GLOD4: variants seen among roughly 807,000 people sequenced by gnomAD.
The protein encoded by GLOD4 is glyoxalase domain-containing protein 4.
In GLOD4, 44 loss-of-function variants were observed where a neutral mutation model predicts 39.1. The ratio of observed to expected loss-of-function variants is 1.13; its 90% CI spans 0.88 to 1.45. The LOEUF (loss-of-function observed/expected upper bound fraction) is 1.45. Ranked by LOEUF, GLOD4 falls within the 40% of genes most tolerant of loss-of-function variation. GLOD4 has a pLI of 0.00. For synonymous variants in GLOD4, 145 were observed against 135.0 expected, an observed-to-expected ratio of 1.07 and a Z score of -0.52; for missense variants, 405 against 366.4, an observed-to-expected ratio of 1.11 and a Z score of -0.86.
intron 1 of GLOD4, among the ~76,000 whole-genome samples, chr17:779,198 C>G (rs1204876015): frequency 9.2e-5 from 14 of 151,574 alleles, no homozygotes; most frequent in Admixed American, 9.2e-4. Context: ...GCTTGTGATC[C>G]CAGCTACTCA....
At chr17:782,298 G>C (rs772998535), upstream of GLOD4, 5 of 1,611,570 alleles carry the variant, frequency 3.1e-6, no homozygotes, top group Non-Finnish European at 4.2e-6. Flanking sequence ...GTACAGCCCA[G>C]TCCACGAAGG....
Position 782,161 on chromosome 17 carries a change from T to C in GLOD4, c.90+5A>G, listed in dbSNP as rs920432824. 4.4e-6 allele frequency: 7 copies of C among 1,594,528 alleles called. No homozygotes were observed. Among genetic ancestry groups the C allele is most frequent in the Non-Finnish European group, 6.0e-6 (7 of 1,166,980 alleles). On this transcript the variant is annotated splice_donor_5th_base_variant and intron_variant, in intron 1 of 8. Coordinates refer to ENST00000301329, the MANE Select transcript of GLOD4 (RefSeq NM_016080.4). The stretch of plus-strand genomic sequence containing the variant: ...GCGCCAGCCCCTGTCGGCCCCGGCC[T>C]GCACCTTCATCCCCAGGACGTCCCG...
chr17:770,144 T>C lies in GLOD4; in HGVS notation c.644A>G (p.Glu215Gly). The C allele has an allele frequency of 6.2e-7, 1 of 1,606,504 alleles. No homozygotes were observed. The highest frequency in any genetic ancestry group is 2.2e-5 in the East Asian group (1 of 44,854). Residue 215 changes from glutamate (E) to glycine (G), a missense_variant, in exon 7 of 9, where the codon GAA becomes GGA. Coordinates refer to ENST00000301329, the MANE Select transcript of GLOD4 (RefSeq NM_016080.4). ...CTGGTTCTCCCTTTTCATCAAGTCTTCTAAGTCTGGCAACTTGAGGAAAAC... is the reference window on the plus strand; with the variant it reads ...CTGGTTCTCCCTTTTCATCAAGTCTCCTAAGTCTGGCAACTTGAGGAAAAC... ...SCPQKELPDLEDLMKRENQKI... is the reference protein window; with the variant it reads ...SCPQKELPDLGDLMKRENQKI...
At chr17:777,722 T>C (rs1464971429) in intron 2 of GLOD4, 4 of 152,308 alleles carry the variant, frequency 2.6e-5, no homozygotes, top group African/African-American at 9.6e-5. Flanking sequence ...ATGAAACATA[T>C]CTGGTCATTG....
intron 3 of GLOD4, among the ~76,000 whole-genome samples, 161 bp downstream of exon 3, chr17:776,707 C>T (rs972455416): frequency 1.1e-4 from 17 of 152,170 alleles, no homozygotes; most frequent in Non-Finnish European, 2.1e-4. Flanking sequence ...CTGCCTGGAA[C>T]GCGCATCCCC....
intron 1 of GLOD4, among the ~76,000 whole-genome samples, chr17:781,082 G>C (rs1909866979): frequency 6.6e-6 from 1 of 151,838 alleles, no homozygotes. Flanking sequence ...CACCATGCCC[G>C]GCTAATTTTT....
chr17:775,786 A>G lies in GLOD4; in HGVS notation c.395T>C (p.Leu132Pro), dbSNP rs560934260. 1.1e-5 allele frequency: 18 copies of G among 1,613,972 alleles called. No individual in the cohort carries two copies. In the South Asian group the frequency reaches 1.6e-4, roughly 15 times the overall value. ...TCTGGTATAATTACCTGACTGAGGC[A>G]GACTGCGATTCTGCAAATAGAACTT... Reference protein sequence around the residue: ...GYKFYLQNRSLPQSDPVLKVT... With the variant: ...GYKFYLQNRSPPQSDPVLKVT... The change falls in exon 4 of 9, where the codon CTG becomes CCG. Residue 132 changes from leucine to proline, a missense_variant. Transcript: ENST00000301329.
intron 1 of GLOD4, among the ~76,000 whole-genome samples, chr17:779,533 G>A (rs1909518064): frequency 6.6e-6 from 1 of 151,742 alleles, no homozygotes; most frequent in South Asian, 2.1e-4. Context: ...AGCTACTCAG[G>A]AGGCTGAGGT....
chr17:775,845 T>C lies in GLOD4; in HGVS notation c.336A>G (p.Glu112=). The C allele has an allele frequency of 1.2e-6, 2 of 1,613,762 alleles. No homozygotes were observed. Among genetic ancestry groups the C allele is most frequent in the Non-Finnish European group, 1.7e-6 (2 of 1,179,614 alleles). ...KLEWPLTEVA[E]GVFETEAPGG... is the part of the protein sequence containing the mutation. ...CCGGGGCCTCGGTTTCAAAAACACC[T>C]TCTGCAACTTCCGTCAGTGGCCACT... Residue 112 remains glutamate (E), a synonymous_variant, in exon 4 of 9, where the codon GAA becomes GAG. Transcript: ENST00000301329.
rs138285108 is a variant in GLOD4, at chr17:778,486, A to C, written c.140+209T>G. 600 of 599,384 alleles carry C rather than the reference A, an allele frequency of 1.0e-3. 3 individuals are homozygous for C. In the African/African-American group the frequency reaches 0.01, roughly 10 times the overall value. The allele number at this position is 599,384 out of a possible 1,614,324, so 37.1% of individuals were successfully genotyped here. A position where few individuals can be genotyped will look rare whatever the true frequency, so the allele number is the denominator to read the frequency against. Reference sequence around the variant, plus strand: ...CCGACGCTCCTGAAGTTGCCTCCCTAATTTACTGCCTTCTTAATTAATTCC... The same window carrying C: ...CCGACGCTCCTGAAGTTGCCTCCCTCATTTACTGCCTTCTTAATTAATTCC... On this transcript the variant is annotated intron_variant, in intron 2 of 8. Coordinates refer to ENST00000301329, the MANE Select transcript of GLOD4 (RefSeq NM_016080.4).
chr17:763,305 C>G (rs1013439376), intron 8 of GLOD4, among the ~76,000 whole-genome samples: 2 of 151,864 alleles, frequency 1.3e-5, no homozygotes, highest in Admixed American at 6.6e-5. Flanking sequence ...GTCAAGAGTT[C>G]GAGACCAGCC....
At chr17:783,138 C>T (rs1910272083), upstream of GLOD4, 2 of 1,613,798 alleles carry the variant, frequency 1.2e-6, no homozygotes, top group South Asian at 1.1e-5. Context: ...AGGGAAGATC[C>T]TGCTGGAAGG....
chr17:776,853 A>G lies in GLOD4; in HGVS notation c.261+15T>C. 1 of 1,609,652 alleles carries G rather than the reference A, an allele frequency of 6.2e-7. No homozygotes were observed. The highest frequency in any genetic ancestry group is 8.5e-7 in the Non-Finnish European group (1 of 1,175,930). On this transcript the variant is annotated intron_variant, in intron 3 of 8. Transcript: ENST00000301329. ...ACCCCCAGCCAAAACTCTGCTAGAAAAAAACGGTATTTACCATAAAGTCAT... is the reference window on the plus strand; with the variant it reads ...ACCCCCAGCCAAAACTCTGCTAGAAGAAAACGGTATTTACCATAAAGTCAT...
chr17:775,637 G>C, intron 4 of GLOD4, 138 bp downstream of exon 4: 2 of 679,240 alleles, frequency 2.9e-6, no homozygotes, highest in Non-Finnish European at 2.6e-6. Flanking sequence ...TAGTCTCTCC[G>C]ATAACAGGTA....
Position 759,859 on chromosome 17 carries a change from A to G in GLOD4, c.*314T>C, listed in dbSNP as rs1023978640. 20 of 306,016 alleles carry G rather than the reference A, an allele frequency of 6.5e-5. No homozygotes were observed. The East Asian group carries it at 1.2e-3, about 19-fold the overall frequency. 19.0% of individuals were successfully genotyped at this position (306,016 alleles called of 1,614,324 possible). A position where few individuals can be genotyped will look rare whatever the true frequency, so the allele number is the denominator to read the frequency against. On this transcript the variant is annotated 3_prime_UTR_variant, in exon 9 of 9. Coordinates refer to ENST00000301329, the MANE Select transcript of GLOD4 (RefSeq NM_016080.4). The stretch of plus-strand genomic sequence containing the variant: ...GTAACCCTAACTATCCGCAATCCCA[A>G]CCAAAGTCATGTTCATGCCGCTGTC...
intron 8 of GLOD4, chr17:765,006 CAA>C: frequency 6.9e-6 from 1 of 144,316 alleles, no homozygotes; most frequent in Non-Finnish European, 1.5e-5. Flanking sequence ...GACTCCGTCT[CAA>C]AAAAAAACAA....
chr17:776,495 T>C (rs1908984613), intron 3 of GLOD4, among the ~76,000 whole-genome samples: 1 of 152,092 alleles, frequency 6.6e-6, no homozygotes, highest in Non-Finnish European at 1.5e-5. Context: ...CAGCCTTGTT[T>C]TCCCTTTGCT....
intron 6 of GLOD4, 73 bp from the exon 7 acceptor site, chr17:770,230 G>T: frequency 1.2e-6 from 1 of 833,238 alleles, no homozygotes; most frequent in Non-Finnish European, 2.0e-6. Flanking sequence ...CAGTCCTAGA[G>T]GAGTATCAGA....
rs1414834996 is a variant in GLOD4 at position 770,524 on chromosome 17, G to C, written c.544-17C>G. ...CAGCTTACACTGAAATAGGAAAGGGGGTTATTTTTTGGAACAGGTTATACA... is the reference window on the plus strand; with the variant it reads ...CAGCTTACACTGAAATAGGAAAGGGCGTTATTTTTTGGAACAGGTTATACA... On this transcript the variant is annotated splice_polypyrimidine_tract_variant and intron_variant, in intron 5 of 8. Coordinates refer to ENST00000301329, the MANE Select transcript of GLOD4 (RefSeq NM_016080.4). 1.5e-6 allele frequency: 2 copies of C among 1,304,294 alleles called. No homozygotes were observed. The highest frequency in any genetic ancestry group is 1.7e-5 in the Admixed American group (1 of 59,654). The allele number at this position is 1,304,294 out of a possible 1,614,324, so 80.8% of individuals were successfully genotyped here.
Sources: gnomAD v4.1 joint callset for allele counts (sites outside exome capture counted in the v4.1 genomes callset) on GRCh38, gnomAD v4.1.1 for gene constraint, MANE v1.5 for transcripts, NCBI Gene and HGNC (gene_info 2026-07-23, HGNC 2026-07-21) for gene names.